The following SYCP1 variants were observed in gnomAD, a reference collection of about 807,000 sequenced individuals.
SYCP1 encodes cancer/testis antigen 8.
Under a neutral mutation model 153.1 loss-of-function variants are expected in SYCP1, and 64 were observed. The ratio of observed to expected loss-of-function variants is 0.42; its 90% CI spans 0.34 to 0.51. The LOEUF (loss-of-function observed/expected upper bound fraction) is 0.51, where lower values mean the gene tolerates loss of function less well. Among genes scored for constraint, SYCP1 ranks in the 20% least tolerant of loss-of-function variants. SYCP1 has a pLI of 0.06. For missense variants in SYCP1, 997 were observed against 1,049.0 expected (o/e 0.95, Z 0.68); for synonymous variants, 384 against 341.8 (o/e 1.12, Z -1.36).
At chr1:114,895,933 G>T (rs1424807783) in intron 16 of SYCP1, among the ~76,000 whole-genome samples, 2 of 152,130 alleles carry the variant, frequency 1.3e-5, no homozygotes, top group Non-Finnish European at 2.9e-5. Flanking sequence ...ATTGATTACA[G>T]TATATAGAAC....
At chr1:114,947,866 C>A (rs1670840502) in intron 27 of SYCP1, among the ~76,000 whole-genome samples, 1 of 135,094 alleles carries the variant, frequency 7.4e-6, no homozygotes, top group African/African-American at 2.7e-5. Flanking sequence ...TTTTTTTCTG[C>A]AAATACTGTT....
Position 114,944,359 on chromosome 1 carries a change from A to T in SYCP1, c.1947A>T (p.Glu649Asp). ...YEIKVNKLEL[E>D]LESAKQKFGE... The stretch of plus-strand genomic sequence containing the variant: ...TAAAGGTCAATAAATTAGAGTTAGA[A>T]CTAGAAAGTGCCAAACAGAAATTTG... Residue 649 changes from glutamate (E) to aspartate (D), a missense_variant, in exon 24 of 32, where the codon GAA becomes GAT. By Grantham distance (45) the Glu-to-Asp change is conservative. Around this residue, in one of 2 missense-constraint regions of SYCP1, gnomAD observed 712 missense variants for 682.9 expected, o/e 1.04. Coordinates refer to ENST00000369522, the MANE Select transcript of SYCP1 (RefSeq NM_003176.4). 1 of 1,604,014 alleles carries T rather than the reference A, an allele frequency of 6.2e-7. No homozygotes were observed. Among genetic ancestry groups the T allele is most frequent in the South Asian group, 1.1e-5 (1 of 89,714 alleles).
At chr1:114,917,488 C>G (rs1570766670) in intron 20 of SYCP1, among the ~76,000 whole-genome samples, 1 of 152,096 alleles carries the variant, frequency 6.6e-6, no homozygotes, top group Admixed American at 6.5e-5. Context: ...GATTTCCTTT[C>G]TTTTGGGTGT....
chr1:114,877,221 T>G (rs961084611), intron 11 of SYCP1, among the ~76,000 whole-genome samples: 1 of 152,194 alleles, frequency 6.6e-6, no homozygotes, highest in Non-Finnish European at 1.5e-5. Flanking sequence ...TTCTGTTGCA[T>G]CTTTCTTTTT....
chr1:114,885,507 ACTAT>A lies in SYCP1; in HGVS notation c.911-23_911-20del, dbSNP rs756629196. 5 of 1,301,446 alleles carry A rather than the reference ACTAT, an allele frequency of 3.8e-6. No individual in the cohort carries two copies. The Admixed American group carries it at 8.1e-5, about 21-fold the overall frequency. The allele number at this position is 1,301,446 out of a possible 1,614,324, so 80.6% of individuals were successfully genotyped here. A position where few individuals can be genotyped will look rare whatever the true frequency, so the allele number is the denominator to read the frequency against. On this transcript the variant is annotated intron_variant, in intron 12 of 31. Coordinates refer to ENST00000369522, the MANE Select transcript of SYCP1 (RefSeq NM_003176.4). ...TCTTGGTATATATCTTCTGCTAAGT[ACTAT>A]CTATTTATAACTTTCTCTTTTAGAA...
At chr1:114,899,882 T>A (rs1007316509) in intron 16 of SYCP1, among the ~76,000 whole-genome samples, 1 of 152,168 alleles carries the variant, frequency 6.6e-6, no homozygotes, top group African/African-American at 2.4e-5. Flanking sequence ...AAGCCTGGCG[T>A]CAGGAAAGGC....
In SYCP1 at chr1:114,962,558, G is replaced by GT. The variant is rs1320495389; in HGVS notation, c.2323-14997dup. Among the ~76,000 whole-genome samples, 18 of 152,200 alleles carry GT rather than the reference G, an allele frequency of 1.2e-4. No homozygotes were observed. In the South Asian group the frequency reaches 2.1e-3, roughly 18 times the overall value. On this transcript the variant is annotated intron_variant, in intron 27 of 31. Coordinates refer to ENST00000369522, the MANE Select transcript of SYCP1 (RefSeq NM_003176.4). The stretch of plus-strand genomic sequence containing the variant: ...CTTAAGTTTATGTGAGTCTGTATGT[G>GT]TTATGTTAGGTGAGTCCCTTAAAGA...
At chr1:114,907,580 A>C (rs1043583004) in intron 16 of SYCP1, among the ~76,000 whole-genome samples, 1 of 150,006 alleles carries the variant, frequency 6.7e-6, no homozygotes, top group Non-Finnish European at 1.5e-5. Flanking sequence ...TAAATGTTGA[A>C]ACTTTTTTTT....
chr1:114,878,625 C>T (rs1180629096), intron 12 of SYCP1, among the ~76,000 whole-genome samples: 1 of 152,144 alleles, frequency 6.6e-6, no homozygotes, highest in South Asian at 2.1e-4. Context: ...CTCACTGCAA[C>T]CTCTGCCTCC....
intron 15 of SYCP1, among the ~76,000 whole-genome samples, chr1:114,890,988 C>T (rs140871721): frequency 6.6e-6 from 1 of 152,158 alleles, no homozygotes; most frequent in East Asian, 1.9e-4. Flanking sequence ...ATCATCAAAC[C>T]GTGCTTCAGA....
intron 23 of SYCP1, among the ~76,000 whole-genome samples, chr1:114,934,446 T>G (rs1669849691): frequency 6.6e-6 from 1 of 152,200 alleles, no homozygotes; most frequent in African/African-American, 2.4e-5. Flanking sequence ...TACCAGCCAC[T>G]GCAAAAACAT....
At chr1:114,923,369 C>A in intron 20 of SYCP1, 80 bp from the exon 21 acceptor site, 1 of 1,397,000 alleles carries the variant, frequency 7.2e-7, no homozygotes, top group Non-Finnish European at 9.5e-7. Context: ...GTCTTTAAGA[C>A]TTCCTTATTT....
At chr1:114,963,943 C>A (rs1429922079) in intron 27 of SYCP1, among the ~76,000 whole-genome samples, 4 of 152,170 alleles carry the variant, frequency 2.6e-5, no homozygotes, top group African/African-American at 9.7e-5. Context: ...CTTGAGGAAT[C>A]ACCACACTGT....
intron 27 of SYCP1, among the ~76,000 whole-genome samples, chr1:114,953,572 T>A (rs965764017): frequency 2.6e-5 from 4 of 152,242 alleles, no homozygotes; most frequent in Admixed American, 2.6e-4. Flanking sequence ...TTTATCTCCA[T>A]TGAATTACTT....
At chr1:114,974,310 C>T (rs1208585053) in intron 27 of SYCP1, among the ~76,000 whole-genome samples, 2 of 151,820 alleles carry the variant, frequency 1.3e-5, no homozygotes, top group African/African-American at 2.4e-5. Context: ...TGTTGATATG[C>T]ATAAGTTGAA....
intron 21 of SYCP1, among the ~76,000 whole-genome samples, chr1:114,925,310 A>G (rs191796776): frequency 8.5e-4 from 130 of 152,288 alleles, no homozygotes; most frequent in Non-Finnish European, 1.1e-3. Context: ...AAAAACATGA[A>G]TTTAATTTTT....
intron 30 of SYCP1, among the ~76,000 whole-genome samples, chr1:114,985,812 T>A (rs904190606): frequency 6.6e-6 from 1 of 151,846 alleles, no homozygotes; most frequent in African/African-American, 2.4e-5. Context: ...ATTACTTTAA[T>A]TATTTCTTAT....
chr1:114,971,885 A>C (rs1381790177), intron 27 of SYCP1, among the ~76,000 whole-genome samples: 1 of 151,436 alleles, frequency 6.6e-6, no homozygotes, highest in Non-Finnish European at 1.5e-5. Context: ...TCTTTTTTTG[A>C]TGTGTCTTTG....
Position 114,874,564 on chromosome 1 carries a change from G to T in SYCP1, c.657G>T (p.Glu219Asp). Residue 219 changes from glutamate (E) to aspartate (D), a missense_variant and splice_region_variant, in exon 9 of 32, where the codon GAG becomes GAT. By Grantham distance (45) the Glu-to-Asp change is conservative. Transcript: ENST00000369522. Reference sequence around the variant, plus strand: ...ATATGGATCTAAATAATAACATTGAGGTGAGTGTTAATGAAATCTGAGTAT... The same window carrying T: ...ATATGGATCTAAATAATAACATTGATGTGAGTGTTAATGAAATCTGAGTAT... Reference protein sequence around the residue: ...QVYMDLNNNIEKMITAFEELR... With the variant: ...QVYMDLNNNIDKMITAFEELR... 1 of 1,565,318 alleles carries T rather than the reference G, an allele frequency of 6.4e-7. No homozygotes were observed. The highest frequency in any genetic ancestry group is 8.7e-7 in the Non-Finnish European group (1 of 1,152,208).
Sources: allele counts gnomAD v4.1 joint callset (sites outside exome capture counted in the v4.1 genomes callset), GRCh38; gene constraint gnomAD v4.1.1; regional missense constraint gnomAD v4.1.1; transcripts MANE v1.5; gene names NCBI Gene and HGNC (gene_info 2026-07-23, HGNC 2026-07-21).